The following COL23A1 variants were observed in gnomAD, a reference collection of about 807,000 sequenced individuals.
COL23A1 encodes collagen type XXIII alpha 1 chain, also known as collagen alpha-1(XXIII) chain.
Under a neutral mutation model 99.3 loss-of-function variants are expected in COL23A1, and 97 were observed. That is an observed-to-expected ratio of 0.98 (90% CI 0.83 to 1.16). The LOEUF is 1.16. COL23A1 is among the 50% of genes most tolerant of loss of function. The probability of loss-of-function intolerance (pLI) is 0.00; values close to 1 mark genes in which losing one functional copy is unlikely to be tolerated. For synonymous variants in COL23A1, 320 were observed against 308.2 expected, an observed-to-expected ratio of 1.04 and a Z score of -0.40; for missense variants, 762 against 757.4, an observed-to-expected ratio of 1.01 and a Z score of -0.07.
chr5:178,516,834 C>T (rs962960408), intron 2 of COL23A1, among the ~76,000 whole-genome samples: 6 of 152,180 alleles, frequency 3.9e-5, no homozygotes, highest in African/African-American at 1.4e-4. Context: ...GCACCTCACA[C>T]CTATCCTGAA....
chr5:178,262,098 G>GTA (rs931086887), intron 10 of COL23A1, 119 bp downstream of exon 10: 2 of 1,089,668 alleles, frequency 1.8e-6, no homozygotes, highest in Admixed American at 2.1e-5. Flanking sequence ...GCAGAGGCGC[G>GTA]CGCACACACA....
At chr5:178,449,852 C>T (rs758509477) in intron 2 of COL23A1, among the ~76,000 whole-genome samples, 1 of 152,160 alleles carries the variant, frequency 6.6e-6, no homozygotes. Context: ...GTGACAGGAA[C>T]TGGACTTCAC....
intron 2 of COL23A1, among the ~76,000 whole-genome samples, chr5:178,461,203 G>A (rs1365936689): frequency 6.6e-6 from 1 of 152,194 alleles, no homozygotes; most frequent in Non-Finnish European, 1.5e-5. Context: ...TGGCCACAAG[G>A]ACTCTCCACA....
At chr5:178,422,715 G>A (rs1006271198) in intron 2 of COL23A1, among the ~76,000 whole-genome samples, 2 of 152,108 alleles carry the variant, frequency 1.3e-5, no homozygotes, top group African/African-American at 4.8e-5. Flanking sequence ...GCATTTCCAC[G>A]TAACGCCGGG....
intron 2 of COL23A1, among the ~76,000 whole-genome samples, chr5:178,319,994 T>C (rs1035786396): frequency 2.6e-5 from 4 of 152,258 alleles, no homozygotes; most frequent in Admixed American, 1.3e-4. Flanking sequence ...AGCTTCCCTC[T>C]GTCCAGGGCT....
At chr5:178,492,288 G>A (rs1000552339) in intron 2 of COL23A1, among the ~76,000 whole-genome samples, 1 of 152,138 alleles carries the variant, frequency 6.6e-6, no homozygotes, top group Non-Finnish European at 1.5e-5. Flanking sequence ...TGTTTAAAGA[G>A]GGAGTTCAGG....
At chr5:178,427,817 T>C (rs925557101) in intron 2 of COL23A1, among the ~76,000 whole-genome samples, 9 of 151,992 alleles carry the variant, frequency 5.9e-5, no homozygotes, top group African/African-American at 1.9e-4. Context: ...GAGGGATGAA[T>C]AGTTGGAGCA....
Position 178,349,778 on chromosome 5 carries a change from G to A in COL23A1, c.362-42859C>T, listed in dbSNP as rs553521541. On this transcript the variant is annotated intron_variant, in intron 2 of 28. Transcript: ENST00000390654. ...CTGGGCCCCAGGCTCCTCCTTGCAG[G>A]GGTGAGAGTGGGGGGAGGTCTGTGT... is the stretch of plus-strand genomic sequence containing the variant. Among the ~76,000 whole-genome samples the A allele has an allele frequency of 6.6e-5, 10 of 152,336 alleles. No individual in the cohort carries two copies. In the South Asian group the frequency reaches 8.3e-4, roughly 13 times the overall value.
At chr5:178,454,594 T>G (rs748228754) in intron 2 of COL23A1, among the ~76,000 whole-genome samples, 48 of 152,176 alleles carry the variant, frequency 3.2e-4, no homozygotes, top group Non-Finnish European at 4.7e-4. Context: ...ATCACAACCT[T>G]TGGGCAGAAT....
chr5:178,424,949 G>A (rs1251307868), intron 2 of COL23A1, among the ~76,000 whole-genome samples: 1 of 152,214 alleles, frequency 6.6e-6, no homozygotes, highest in Admixed American at 6.5e-5. Context: ...TCCTCCTCAG[G>A]AGATGGACTG....
rs1258394154 is a variant in COL23A1 at position 178,366,005 on chromosome 5, G to A, written c.362-59086C>T. Among the ~76,000 whole-genome samples, 2 of 152,232 alleles carry A rather than the reference G, an allele frequency of 1.3e-5. No homozygotes were observed. Among genetic ancestry groups the A allele is most frequent in the South Asian group, 2.1e-4 (1 of 4,820 alleles). The stretch of plus-strand genomic sequence containing the variant: ...CCTCCTCAAGTGGGTCACTCCTCAC[G>A]GCCTGTGAGTTCACCTCTTCATCTG... On this transcript the variant is annotated intron_variant, in intron 2 of 28. Transcript: ENST00000390654. The surrounding 1 kb of genome is among the most constrained non-coding windows in gnomAD (Gnocchi z 4.4).
chr5:178,513,016 G>C (rs1339538243), intron 2 of COL23A1, among the ~76,000 whole-genome samples: 1 of 152,190 alleles, frequency 6.6e-6, no homozygotes, highest in Non-Finnish European at 1.5e-5. Flanking sequence ...CAGTGGCAAA[G>C]GGAGCTTGAG....
intron 2 of COL23A1, among the ~76,000 whole-genome samples, chr5:178,518,694 G>A (rs1223940002): frequency 6.9e-6 from 1 of 144,378 alleles, no homozygotes; most frequent in East Asian, 2.0e-4. Flanking sequence ...TCACATCCCA[G>A]ACGATGGGCG....
Position 178,383,797 on chromosome 5 carries a change from A to G in COL23A1, c.362-76878T>C, listed in dbSNP as rs146619509. ...TGCAGGGCCTCTGGGAAAACCGTGC[A>G]TGACTTCAGGCACTCCTTTGTGTGG... On this transcript the variant is annotated intron_variant, in intron 2 of 28. Transcript: ENST00000390654. 2.7e-3 allele frequency among the ~76,000 whole-genome samples: 415 copies of G among 152,042 alleles called. 4 individuals carry two copies. Among genetic ancestry groups the G allele is most frequent in the African/African-American group, 9.7e-3 (401 of 41,452 alleles).
At chr5:178,446,637 T>C (rs550039731) in intron 2 of COL23A1, among the ~76,000 whole-genome samples, 10 of 152,338 alleles carry the variant, frequency 6.6e-5, no homozygotes, top group African/African-American at 2.4e-4. Context: ...CTGACATTTT[T>C]AAACATTGCT....
intron 1 of COL23A1, among the ~76,000 whole-genome samples, chr5:178,584,230 G>A (rs771170816): frequency 1.3e-5 from 2 of 151,262 alleles, no homozygotes; most frequent in Middle Eastern, 3.4e-3. Context: ...GGCTGGTCTC[G>A]AACTCCTGAC....
intron 2 of COL23A1, among the ~76,000 whole-genome samples, chr5:178,498,880 A>T (rs935170764): frequency 6.6e-6 from 1 of 152,032 alleles, no homozygotes; most frequent in African/African-American, 2.4e-5. Flanking sequence ...ACCTGAGGTC[A>T]GGAGTTCAAG....
chr5:178,460,198 T>G (rs1182788896), intron 2 of COL23A1, among the ~76,000 whole-genome samples: 1 of 152,152 alleles, frequency 6.6e-6, no homozygotes, highest in East Asian at 1.9e-4. Context: ...GGATTTGCCA[T>G]GCAGAACCCC....
intron 2 of COL23A1, among the ~76,000 whole-genome samples, chr5:178,559,911 G>C (rs1226590669): frequency 2.6e-5 from 4 of 151,274 alleles, no homozygotes; most frequent in African/African-American, 9.7e-5. Flanking sequence ...TCACCCAAAA[G>C]TCACCTTTCC....
Sources: allele counts gnomAD v4.1 joint callset (sites outside exome capture counted in the v4.1 genomes callset), GRCh38; gene constraint gnomAD v4.1.1; non-coding constraint Gnocchi (gnomAD v3.1); transcripts MANE v1.5; gene names NCBI Gene and HGNC (gene_info 2026-07-23, HGNC 2026-07-21).